The following RARB variants were observed in gnomAD, a reference collection of about 807,000 sequenced individuals.
The protein encoded by RARB is HBV-activated protein.
RARB carries 17 observed loss-of-function variants against 51.9 expected under a neutral mutation model. The ratio of observed to expected loss-of-function variants is 0.33; its 90% confidence interval spans 0.22 to 0.49. RARB has a LOEUF of 0.49. RARB is among the 20% of genes least tolerant of loss of function. The pLI is 0.99. For missense variants in RARB, 369 were observed against 550.8 expected, an observed-to-expected ratio of 0.67 and a Z score of 3.30; for synonymous variants, 215 against 195.4, an observed-to-expected ratio of 1.10 and a Z score of -0.84.
intron 3 of RARB, among the ~76,000 whole-genome samples, chr3:25,074,078 G>A (rs1376118096): frequency 6.6e-6 from 1 of 152,200 alleles, no homozygotes; most frequent in African/African-American, 2.4e-5. Context: ...GTTGAGTCTG[G>A]ATTAAATTAC....
intron 2 of RARB, among the ~76,000 whole-genome samples, chr3:25,495,626 A>G (rs1369209051): frequency 2.7e-4 from 41 of 152,286 alleles, no homozygotes; most frequent in Non-Finnish European, 1.5e-5. Flanking sequence ...TTTTGGTTGT[A>G]CCTCAGTTCT....
At position 25,176,023 on chromosome 3, in the gene RARB, T is replaced by C. The variant is rs190595839; in HGVS notation, c.178+1448T>C. On this transcript the variant is annotated intron_variant, in intron 5 of 11. Coordinates refer to the RARB transcript ENST00000383772. ...CAAATGAGGAGGTCTAAATGATTGATAAAGCCATTAAAATTTTACCTATGA... is the reference window on the plus strand; with the variant it reads ...CAAATGAGGAGGTCTAAATGATTGACAAAGCCATTAAAATTTTACCTATGA... 3.9e-5 allele frequency among the ~76,000 whole-genome samples: 6 copies of C among 152,308 alleles called. No individual in the cohort carries two copies. The East Asian group carries it at 1.2e-3, about 29-fold the overall frequency.
rs547151906 is a variant in RARB at position 25,420,847 on chromosome 3, A to AATGG, written c.179-40328_179-40325dup. On this transcript the variant is annotated intron_variant, in intron 5 of 11. Coordinates refer to the RARB transcript ENST00000383772. ...TATCAGGTAGAAGAACGGGTAGGTG[A>AATGG]ATGGATGGATGGATGGATGGAAAGA... Among the ~76,000 whole-genome samples the AATGG allele has an allele frequency of 2.1e-3, 316 of 152,088 alleles. 1 individual carries two copies. The highest frequency in any genetic ancestry group is 6.6e-3 in the African/African-American group (275 of 41,510).
At chr3:25,414,102 C>T (rs1267879249) in intron 5 of RARB, among the ~76,000 whole-genome samples, 2 of 152,134 alleles carry the variant, frequency 1.3e-5, no homozygotes, top group Non-Finnish European at 2.9e-5. Flanking sequence ...TAGGCAACCA[C>T]TGATTTCCTT....
chr3:25,339,633 C>CA (rs898771282), intron 5 of RARB, among the ~76,000 whole-genome samples: 29 of 150,456 alleles, frequency 1.9e-4, no homozygotes, highest in African/African-American at 2.9e-4. Flanking sequence ...GCATTTCCCC[C>CA]AAAAAAAGGC....
chr3:25,417,649 C>G (rs1707743903), intron 5 of RARB, among the ~76,000 whole-genome samples: 1 of 152,200 alleles, frequency 6.6e-6, no homozygotes, highest in African/African-American at 2.4e-5. Context: ...TTAAATCTCT[C>G]TCTTTTGTAA....
chr3:25,297,892 G>C (rs898449551), intron 5 of RARB, among the ~76,000 whole-genome samples: 3 of 152,148 alleles, frequency 2.0e-5, no homozygotes, highest in African/African-American at 7.2e-5. Flanking sequence ...TGCTTTTAAT[G>C]CCTGGTGGGG....
intron 3 of RARB, among the ~76,000 whole-genome samples, chr3:25,127,233 C>G (rs907481355): frequency 3.3e-5 from 5 of 152,140 alleles, no homozygotes; most frequent in African/African-American, 1.2e-4. Flanking sequence ...CTGTGGCATA[C>G]AAGAGATACC....
intron 2 of RARB, among the ~76,000 whole-genome samples, chr3:24,937,760 G>A (rs1047532128): frequency 2.9e-4 from 44 of 152,096 alleles, no homozygotes; most frequent in African/African-American, 9.4e-4. Context: ...GGTGGAGCGA[G>A]TTGGGCCCAC....
At chr3:24,994,206 G>C (rs1004020101) in intron 2 of RARB, among the ~76,000 whole-genome samples, 2 of 151,908 alleles carry the variant, frequency 1.3e-5, no homozygotes, top group Admixed American at 1.3e-4. Context: ...TTCTAACTAG[G>C]GTGAGATGAT....
chr3:25,263,743 A>G (rs1397162808), intron 5 of RARB, among the ~76,000 whole-genome samples: 1 of 152,150 alleles, frequency 6.6e-6, no homozygotes, highest in Non-Finnish European at 1.5e-5. Flanking sequence ...GTGCTAGGGG[A>G]AGGCCAGTGT....
chr3:25,500,454 G>GTTTTTTTTTTTTTT lies in RARB; in HGVS notation c.307-714_307-701dup, dbSNP rs753321842. ...ATAATTTCTTTTTCTTTCTTTTCTT[G>GTTTTTTTTTTTTTT]TTTTTTTTTTTTTTTTTTTTTTTTT... is the stretch of plus-strand genomic sequence containing the variant. On this transcript the variant is annotated intron_variant, in intron 2 of 7. Coordinates refer to ENST00000330688, the MANE Select transcript of RARB (RefSeq NM_000965.5). 2.0e-3 allele frequency among the ~76,000 whole-genome samples: 133 copies of GTTTTTTTTTTTTTT among 66,118 alleles called. 7 individuals carry two copies. The highest frequency in any genetic ancestry group is 3.1e-3 in the African/African-American group (55 of 17,690). The allele number at this position is 66,118 out of a possible 152,430, so 43.4% of individuals were successfully genotyped here.
chr3:25,129,202 A>C (rs1366094974), intron 3 of RARB, among the ~76,000 whole-genome samples: 1 of 152,122 alleles, frequency 6.6e-6, no homozygotes, highest in Non-Finnish European at 1.5e-5. Context: ...AGTCTAGTGG[A>C]AAAGAATTAT....
chr3:25,097,410 T>C (rs1269886810), intron 3 of RARB, among the ~76,000 whole-genome samples: 1 of 152,206 alleles, frequency 6.6e-6, no homozygotes, highest in Non-Finnish European at 1.5e-5. Context: ...TATAAAGTAG[T>C]AATATAATTT....
intron 2 of RARB, among the ~76,000 whole-genome samples, chr3:25,492,688 GT>G (rs201538967): frequency 0.053 from 8,130 of 152,302 alleles, 274 homozygotes; most frequent in Non-Finnish European, 0.079. Context: ...CAGTGATGAT[GT>G]TTTGCTAAAC....
chr3:25,435,245 G>C (rs191227875), intron 1 of RARB, among the ~76,000 whole-genome samples: 6 of 152,208 alleles, frequency 3.9e-5, no homozygotes, highest in Non-Finnish European at 8.8e-5. Context: ...ATAAAATTTT[G>C]TCAAGTCAAA....
chr3:25,152,265 C>G (rs1201547783), intron 4 of RARB, among the ~76,000 whole-genome samples: 1 of 152,034 alleles, frequency 6.6e-6, no homozygotes, highest in Non-Finnish European at 1.5e-5. Context: ...TTTCAACTCA[C>G]TTGTCTTTTT....
chr3:25,001,330 G>C (rs942104583), intron 2 of RARB, among the ~76,000 whole-genome samples: 2 of 152,166 alleles, frequency 1.3e-5, no homozygotes, highest in African/African-American at 2.4e-5. Flanking sequence ...TCTGCTTCAA[G>C]AATGTGAAGG....
chr3:24,985,349 GTT>G (rs10715822), intron 2 of RARB, among the ~76,000 whole-genome samples: 12 of 131,258 alleles, frequency 9.1e-5, no homozygotes, highest in East Asian at 2.3e-4. Context: ...TGGTTTTTTT[GTT>G]TTTTTTTTTT....
Sources: allele counts gnomAD v4.1 joint callset (sites outside exome capture counted in the v4.1 genomes callset), GRCh38; gene constraint gnomAD v4.1.1; transcripts MANE v1.5; gene names NCBI Gene and HGNC (gene_info 2026-07-23, HGNC 2026-07-21).